CCSER2: variants seen among roughly 807,000 people sequenced by gnomAD.
The protein encoded by CCSER2 is coiled-coil serine rich protein 2.
Under a neutral mutation model 92.3 loss-of-function variants are expected in CCSER2, and 46 were observed. The ratio of observed to expected loss-of-function variants is 0.50; its 90% confidence interval spans 0.39 to 0.64. The LOEUF is 0.64. CCSER2 is among the 30% of genes least tolerant of loss of function. The pLI is 0.00. For missense variants in CCSER2, 1,244 were observed against 1,238.9 expected, an observed-to-expected ratio of 1.00 and a Z score of -0.06; for synonymous variants, 433 against 431.4, an observed-to-expected ratio of 1.00 and a Z score of -0.04.
chr10:84,421,869 T>C (rs1400522987), intron 4 of CCSER2, among the ~76,000 whole-genome samples: 1 of 152,170 alleles, frequency 6.6e-6, no homozygotes, highest in Admixed American at 6.5e-5. Context: ...GACAGCTATA[T>C]AGAAATGTGA....
At chr10:84,407,175 G>A (rs1842419034) in intron 3 of CCSER2, among the ~76,000 whole-genome samples, 1 of 152,130 alleles carries the variant, frequency 6.6e-6, no homozygotes, top group Admixed American at 6.5e-5. Flanking sequence ...CTTTGAATTT[G>A]TCTTCTCAAA....
chr10:84,426,078 A>G (rs1843420081), intron 5 of CCSER2, among the ~76,000 whole-genome samples, 185 bp downstream of exon 5: 1 of 152,132 alleles, frequency 6.6e-6, no homozygotes, highest in Non-Finnish European at 1.5e-5. Flanking sequence ...TTTGGCCCAA[A>G]TATTTTTTCA....
chr10:84,389,446 G>T, intron 3 of CCSER2: 1 of 429,084 alleles, frequency 2.3e-6, no homozygotes, highest in Non-Finnish European at 4.6e-6. Flanking sequence ...AAGGTACCAC[G>T]TCAATCTGGG....
chr10:84,426,021 C>A (rs1843417204), intron 5 of CCSER2, 128 bp downstream of exon 5: 1 of 519,358 alleles, frequency 1.9e-6, no homozygotes, highest in Non-Finnish European at 3.2e-6. Context: ...AAAAGCACTT[C>A]AAGTTTTATG....
intron 9 of CCSER2, among the ~76,000 whole-genome samples, chr10:84,496,062 TATAATA>T (rs1327503834): frequency 6.6e-6 from 1 of 152,050 alleles, no homozygotes; most frequent in South Asian, 2.1e-4. Flanking sequence ...TTTATGTCTT[TATAATA>T]ATGTTTTAGT....
At chr10:84,408,631 A>G (rs1415086353) in intron 3 of CCSER2, among the ~76,000 whole-genome samples, 1 of 152,228 alleles carries the variant, frequency 6.6e-6, no homozygotes, top group African/African-American at 2.4e-5. Context: ...AAAATCACAT[A>G]AAATGTAGCA....
intron 1 of CCSER2, among the ~76,000 whole-genome samples, chr10:84,352,336 C>A (rs1226618949): frequency 2.7e-5 from 4 of 146,812 alleles, no homozygotes; most frequent in Non-Finnish European, 6.0e-5. Context: ...TGATTTGTGT[C>A]CATACAATCC....
chr10:84,431,627 ATC>A (rs1564656121), intron 5 of CCSER2, among the ~76,000 whole-genome samples: 1 of 152,056 alleles, frequency 6.6e-6, no homozygotes, highest in East Asian at 1.9e-4. Context: ...CTATAGTCCC[ATC>A]TACTTGGGAG....
chr10:84,368,548 G>A (rs1450808343), intron 1 of CCSER2, among the ~76,000 whole-genome samples: 2 of 151,946 alleles, frequency 1.3e-5, no homozygotes, highest in Admixed American at 6.6e-5. Context: ...TCTTAGGCCA[G>A]GGTTGACTTG....
intron 6 of CCSER2, among the ~76,000 whole-genome samples, chr10:84,446,747 T>G (rs1844942169): frequency 6.6e-6 from 1 of 152,182 alleles, no homozygotes; most frequent in African/African-American, 2.4e-5. Flanking sequence ...TGCAGTACCT[T>G]TCCTTTCCAG....
intron 3 of CCSER2, among the ~76,000 whole-genome samples, chr10:84,403,596 A>G (rs577841410): frequency 4.7e-4 from 71 of 152,310 alleles, no homozygotes; most frequent in Admixed American, 1.4e-3. Context: ...ACAAAATATC[A>G]GCAATTTAAT....
At chr10:84,465,373 G>A (rs1337099165) in intron 7 of CCSER2, among the ~76,000 whole-genome samples, 1 of 138,828 alleles carries the variant, frequency 7.2e-6, no homozygotes, top group Admixed American at 8.0e-5. Context: ...CACCCAGGCT[G>A]GAATGTAGTG....
intron 4 of CCSER2, among the ~76,000 whole-genome samples, chr10:84,418,302 T>C (rs1318020552): frequency 1.3e-5 from 2 of 152,226 alleles, no homozygotes; most frequent in Admixed American, 6.5e-5. Flanking sequence ...TCTGTACATT[T>C]TACTCCCAAT....
intron 5 of CCSER2, among the ~76,000 whole-genome samples, chr10:84,437,060 C>A (rs1564661898): frequency 6.6e-6 from 1 of 151,778 alleles, no homozygotes; most frequent in Non-Finnish European, 1.5e-5. Flanking sequence ...TGTCTTATTT[C>A]TTGAAATTTT....
chr10:84,416,364 T>C (rs1002623087), intron 3 of CCSER2, among the ~76,000 whole-genome samples: 1 of 152,212 alleles, frequency 6.6e-6, no homozygotes, highest in Non-Finnish European at 1.5e-5. Context: ...TGCCGCAGAC[T>C]GTAACTGCTT....
At chr10:84,484,625 G>A (rs1211662677) in intron 9 of CCSER2, among the ~76,000 whole-genome samples, 1 of 152,024 alleles carries the variant, frequency 6.6e-6, no homozygotes, top group Non-Finnish European at 1.5e-5. Flanking sequence ...ATACATTGGT[G>A]TTTAAATAAG....
intron 3 of CCSER2, among the ~76,000 whole-genome samples, chr10:84,378,824 C>G (rs1846487282): frequency 6.6e-6 from 1 of 152,224 alleles, no homozygotes; most frequent in Non-Finnish European, 1.5e-5. Context: ...CCTCCTCCCA[C>G]AGTCTCCCAA....
intron 6 of CCSER2, among the ~76,000 whole-genome samples, chr10:84,446,244 G>A (rs1844908612): frequency 6.6e-6 from 1 of 152,098 alleles, no homozygotes; most frequent in Admixed American, 6.5e-5. Flanking sequence ...TTTATATTAT[G>A]TCTACTTCAG....
chr10:84,505,200 G>A, intron 9 of CCSER2, among the ~76,000 whole-genome samples: 2 of 152,010 alleles, frequency 1.3e-5, no homozygotes, highest in East Asian at 3.9e-4. Flanking sequence ...ACTTGATAAT[G>A]CATTATGTGG....
Sources: gnomAD v4.1 joint callset for allele counts (sites outside exome capture counted in the v4.1 genomes callset) on GRCh38, gnomAD v4.1.1 for gene constraint, MANE v1.5 for transcripts, NCBI Gene and HGNC (gene_info 2026-07-23, HGNC 2026-07-21) for gene names.